The following EXTL3 variants were observed in gnomAD, a reference collection of about 807,000 sequenced individuals.
The protein encoded by EXTL3 is exostosin like glycosyltransferase 3.
A neutral mutation model predicts 69.3 loss-of-function variants in EXTL3; 27 were observed. That is an observed-to-expected ratio of 0.39 (90% CI 0.29 to 0.54). The LOEUF (loss-of-function observed/expected upper bound fraction) is 0.54, where lower values mean the gene tolerates loss of function less well. Among genes scored for constraint, EXTL3 ranks in the 20% least tolerant of loss-of-function variants. The pLI is 0.69. For synonymous variants in EXTL3, 511 were observed against 499.4 expected, an observed-to-expected ratio of 1.02 and a Z score of -0.31; for missense variants, 1,003 against 1,231.8, an observed-to-expected ratio of 0.81 and a Z score of 2.78.
chr8:28,640,243 T>A lies in EXTL3; in HGVS notation c.-53+17433T>A, dbSNP rs1163457071. On this transcript the variant is annotated intron_variant, in intron 1 of 6. Coordinates refer to the EXTL3 transcript ENST00000523149. Reference sequence around the variant, plus strand: ...TGTTGACTTGTACCATAAAATGAGATGCAATTGTATTAGTGGTTTTCCAAT... The same window carrying A: ...TGTTGACTTGTACCATAAAATGAGAAGCAATTGTATTAGTGGTTTTCCAAT... 2.3e-4 allele frequency among the ~76,000 whole-genome samples: 35 copies of A among 152,248 alleles called. 1 individual carries two copies. Among genetic ancestry groups the A allele is most frequent in the Admixed American group, 2.3e-3 (35 of 15,280 alleles).
At chr8:28,671,849 C>T (rs1342804842) in intron 1 of EXTL3, among the ~76,000 whole-genome samples, 1 of 152,140 alleles carries the variant, frequency 6.6e-6, no homozygotes, top group Non-Finnish European at 1.5e-5. Context: ...TTCAGCCTTG[C>T]AGTGATTTTT....
chr8:28,662,111 A>AT (rs1366842456), intron 1 of EXTL3, among the ~76,000 whole-genome samples: 3 of 151,618 alleles, frequency 2.0e-5, no homozygotes, highest in Admixed American at 6.6e-5. Flanking sequence ...TTACATTATT[A>AT]TTTTTTTTGA....
chr8:28,668,585 C>T (rs527807852), intron 1 of EXTL3, among the ~76,000 whole-genome samples: 1 of 152,092 alleles, frequency 6.6e-6, no homozygotes, highest in South Asian at 2.1e-4. Context: ...GATCTGCCTG[C>T]CTCGGCTTCC....
intron 1 of EXTL3, among the ~76,000 whole-genome samples, chr8:28,704,250 C>G (rs780236971): frequency 1.3e-4 from 20 of 152,234 alleles, no homozygotes; most frequent in Non-Finnish European, 2.6e-4. Flanking sequence ...AATGACCCAT[C>G]AAAAGTCTAG....
At chr8:28,621,445 G>A (rs1156928609), upstream of EXTL3, among the ~76,000 whole-genome samples, 1 of 152,132 alleles carries the variant, frequency 6.6e-6, no homozygotes, top group Non-Finnish European at 1.5e-5. Context: ...GGCTTCCAGC[G>A]TCCAGGACTG....
At chr8:28,708,439 T>TC (rs1338308041) in intron 1 of EXTL3, among the ~76,000 whole-genome samples, 1 of 151,692 alleles carries the variant, frequency 6.6e-6, no homozygotes. Flanking sequence ...TTTTTTTTTT[T>TC]TTTTTTTAAA....
chr8:28,748,948 CAAAA>C (rs773203955), intron 6 of EXTL3, among the ~76,000 whole-genome samples: 3 of 151,832 alleles, frequency 2.0e-5, no homozygotes, highest in Non-Finnish European at 2.9e-5. Context: ...AGGGAAAAAA[CAAAA>C]AAGAAAACTA....
chr8:28,661,128 T>C (rs1030456181), intron 1 of EXTL3, among the ~76,000 whole-genome samples: 1 of 151,866 alleles, frequency 6.6e-6, no homozygotes, highest in Non-Finnish European at 1.5e-5. Context: ...TTAGCCAGGA[T>C]GGTCTCGATC....
At chr8:28,731,444 A>G (rs1181546063) in intron 4 of EXTL3, 94 bp downstream of exon 4, 16 of 1,354,988 alleles carry the variant, frequency 1.2e-5, no homozygotes, top group African/African-American at 1.4e-5. Context: ...ATGGTAACTG[A>G]GAACCCCTTG....
chr8:28,635,708 C>CA (rs1298877725), intron 1 of EXTL3, among the ~76,000 whole-genome samples: 50 of 133,762 alleles, frequency 3.7e-4, no homozygotes, highest in African/African-American at 1.7e-3. Context: ...GAGACCCCCC[C>CA]ACAACTCCAC....
intron 1 of EXTL3, among the ~76,000 whole-genome samples, chr8:28,667,541 C>T (rs946070185): frequency 4.6e-5 from 7 of 152,074 alleles, no homozygotes; most frequent in Admixed American, 1.3e-4. Context: ...TGCATGGTTC[C>T]GATTGGTGAG....
intron 2 of EXTL3, among the ~76,000 whole-genome samples, chr8:28,714,631 A>T (rs545212430): frequency 6.6e-6 from 1 of 152,200 alleles, no homozygotes; most frequent in Non-Finnish European, 1.5e-5. Flanking sequence ...AAAAAAAGAA[A>T]CCGGGAATAT....
At chr8:28,744,236 G>A (rs1454676238) in intron 6 of EXTL3, among the ~76,000 whole-genome samples, 1 of 152,166 alleles carries the variant, frequency 6.6e-6, no homozygotes, top group African/African-American at 2.4e-5. Flanking sequence ...TCCAGTAAGA[G>A]ATTTATACCT....
At chr8:28,633,418 G>A (rs1269385638) in intron 1 of EXTL3, among the ~76,000 whole-genome samples, 3 of 152,080 alleles carry the variant, frequency 2.0e-5, no homozygotes, top group Non-Finnish European at 2.9e-5. Context: ...GGGAGGCTGA[G>A]GTGGGCAGAT....
At chr8:28,665,600 T>C (rs1807184497) in intron 1 of EXTL3, among the ~76,000 whole-genome samples, 1 of 151,746 alleles carries the variant, frequency 6.6e-6, no homozygotes, top group Non-Finnish European at 1.5e-5. Context: ...CTTGTAGAGA[T>C]GCGGTCTCAC....
rs151202391 is a variant in EXTL3, at chr8:28,716,662, T to C, written c.603T>C (p.Ser201=). Residue 201 remains serine, a synonymous_variant, in exon 3 of 7, where the codon AGT becomes AGC. Coordinates refer to ENST00000220562, the MANE Select transcript of EXTL3 (RefSeq NM_001440.4). This position sits in a 1 kb window ranked among gnomAD's most constrained non-coding sequence, Gnocchi z 7.1. ...TSGFPVYVYD[S]DQFVFGSYLD... ...GCTTCCCGGTCTACGTCTATGACAG[T>C]GACCAGTTTGTCTTTGGCAGCTACC... 6 of 1,614,134 alleles carry C rather than the reference T, an allele frequency of 3.7e-6. No homozygotes were observed. The African/African-American group carries it at 5.3e-5, about 14-fold the overall frequency.
intron 2 of EXTL3, among the ~76,000 whole-genome samples, chr8:28,614,916 A>C (rs1418042204): frequency 6.6e-6 from 1 of 152,144 alleles, no homozygotes; most frequent in Non-Finnish European, 1.5e-5. Context: ...CCCAGCATCC[A>C]TTAGCTGTTC....
rs564533188 is a variant in EXTL3, at chr8:28,675,747, C to T, written c.-52-37710C>T. On this transcript the variant is annotated intron_variant, in intron 1 of 6. Coordinates refer to the EXTL3 transcript ENST00000523149. Reference sequence around the variant, plus strand: ...TTAGAAAATGTTGAATCTGGCTGGGCGCGGCAGCTCATGCCTGTAATCCCA... The same window carrying T: ...TTAGAAAATGTTGAATCTGGCTGGGTGCGGCAGCTCATGCCTGTAATCCCA... 1.1e-4 allele frequency among the ~76,000 whole-genome samples: 17 copies of T among 152,224 alleles called. No homozygotes were observed. The East Asian group carries it at 2.7e-3, about 24-fold the overall frequency.
chr8:28,720,325 G>A (rs1801269272), intron 3 of EXTL3, among the ~76,000 whole-genome samples: 1 of 152,244 alleles, frequency 6.6e-6, no homozygotes, highest in Non-Finnish European at 1.5e-5. Context: ...TAGCACCAGG[G>A]TTGTTCCCAG....
Sources: gnomAD v4.1 joint callset for allele counts (sites outside exome capture counted in the v4.1 genomes callset) on GRCh38, gnomAD v4.1.1 for gene constraint, Gnocchi (gnomAD v3.1) non-coding constraint, MANE v1.5 for transcripts, NCBI Gene and HGNC (gene_info 2026-07-23, HGNC 2026-07-21) for gene names.